Variants in PACRG observed in about 807,000 individuals in gnomAD.
The protein encoded by PACRG is parkin coregulated gene protein.
A neutral mutation model predicts 29.7 loss-of-function variants in PACRG; 29 were observed. The ratio of observed to expected loss-of-function variants is 0.98; its 90% CI spans 0.73 to 1.33. PACRG has a LOEUF of 1.33. Ranked by LOEUF, PACRG falls within the 40% of genes most tolerant of loss-of-function variation. The pLI is 0.00. For synonymous variants in PACRG, 116 were observed against 118.7 expected (o/e 0.98, Z 0.15); for missense variants, 279 against 316.2 (o/e 0.88, Z 0.89).
At chr6:162,916,079 A>C (rs1215537542) in intron 2 of PACRG, among the ~76,000 whole-genome samples, 3 of 152,140 alleles carry the variant, frequency 2.0e-5, no homozygotes, top group African/African-American at 7.2e-5. Flanking sequence ...GAGCAGGTAT[A>C]AGATAATGAA....
chr6:163,120,365 G>C (rs1344557257), intron 4 of PACRG, among the ~76,000 whole-genome samples: 1 of 152,138 alleles, frequency 6.6e-6, no homozygotes, highest in Non-Finnish European at 1.5e-5. Context: ...CATGGTCATG[G>C]TTATGTGTTC....
At chr6:163,108,805 A>T (rs1815547402) in intron 4 of PACRG, among the ~76,000 whole-genome samples, 1 of 149,716 alleles carries the variant, frequency 6.7e-6, no homozygotes, top group South Asian at 2.1e-4. Context: ...AATACAGGAA[A>T]TGTAGATCTC....
chr6:163,176,854 G>C (rs1017167606), intron 4 of PACRG, among the ~76,000 whole-genome samples: 1 of 152,176 alleles, frequency 6.6e-6, no homozygotes. Flanking sequence ...GCTGGAGAGA[G>C]GGAAAGTCAA....
intron 4 of PACRG, among the ~76,000 whole-genome samples, chr6:163,249,571 C>T (rs1322939986): frequency 1.4e-4 from 21 of 152,216 alleles, no homozygotes; most frequent in Non-Finnish European, 2.6e-4. Context: ...ACTCTCTCGC[C>T]TCCTGTGCCT....
At chr6:163,128,494 T>C (rs187326624) in intron 4 of PACRG, among the ~76,000 whole-genome samples, 83 of 152,362 alleles carry the variant, frequency 5.4e-4, no homozygotes, top group African/African-American at 1.8e-3. Context: ...GTCATTTCTC[T>C]TGTCTGTAGG....
chr6:163,230,082 A>G (rs1272640999), intron 4 of PACRG, among the ~76,000 whole-genome samples: 1 of 152,252 alleles, frequency 6.6e-6, no homozygotes, highest in Admixed American at 6.5e-5. Flanking sequence ...GGCCATCTTC[A>G]TAGTACATTG....
At chr6:162,947,614 A>ATATGAT (rs1799289778) in intron 2 of PACRG, among the ~76,000 whole-genome samples, 7 of 15,052 alleles carry the variant, frequency 4.7e-4, no homozygotes, top group Non-Finnish European at 6.8e-4. Context: ...ATATAATCAT[A>ATATGAT]TATATATATA....
chr6:163,197,811 G>A (rs550203039), intron 4 of PACRG, among the ~76,000 whole-genome samples: 27 of 152,180 alleles, frequency 1.8e-4, no homozygotes, highest in African/African-American at 6.3e-4. Flanking sequence ...GAATTGACAA[G>A]GGAGCAATTC....
At chr6:162,935,426 A>G (rs1798165276) in intron 2 of PACRG, among the ~76,000 whole-genome samples, 1 of 149,540 alleles carries the variant, frequency 6.7e-6, no homozygotes, top group Non-Finnish European at 1.5e-5. Context: ...GTAATTTTAA[A>G]GACCTGTCTT....
intron 4 of PACRG, among the ~76,000 whole-genome samples, chr6:163,270,381 T>A (rs528822609): frequency 1.0e-3 from 153 of 152,210 alleles, no homozygotes; most frequent in Non-Finnish European, 1.8e-3. Context: ...TTTTTTTTTT[T>A]AAATTTCAGT....
chr6:162,880,657 A>G (rs1793755848), intron 2 of PACRG, among the ~76,000 whole-genome samples: 1 of 152,252 alleles, frequency 6.6e-6, no homozygotes, highest in Admixed American at 6.5e-5. Context: ...AATGCTTTAG[A>G]AAAGATAAAA....
chr6:163,298,843 G>A (rs913563278), intron 4 of PACRG, among the ~76,000 whole-genome samples: 53 of 152,210 alleles, frequency 3.5e-4, no homozygotes, highest in African/African-American at 1.1e-3. Context: ...TGCACTGCAC[G>A]TTCTTCTCAA....
chr6:163,076,736 C>T (rs1167098095), intron 3 of PACRG, among the ~76,000 whole-genome samples: 1 of 152,214 alleles, frequency 6.6e-6, no homozygotes. Flanking sequence ...CCCATTCTCA[C>T]ATCCCCAGAT....
intron 2 of PACRG, among the ~76,000 whole-genome samples, chr6:162,887,154 A>G (rs763350854): frequency 6.6e-6 from 1 of 152,168 alleles, no homozygotes; most frequent in African/African-American, 2.4e-5. Flanking sequence ...GCTCACCATC[A>G]TAAGGCCAGG....
chr6:162,908,728 G>A (rs1487933155), intron 2 of PACRG, among the ~76,000 whole-genome samples: 1 of 152,174 alleles, frequency 6.6e-6, no homozygotes, highest in Admixed American at 6.5e-5. Context: ...AGTCATTATG[G>A]ACAGGGGCAT....
chr6:163,000,372 T>C (rs80268419), intron 2 of PACRG, among the ~76,000 whole-genome samples: 5 of 152,142 alleles, frequency 3.3e-5, no homozygotes, highest in African/African-American at 1.2e-4. Context: ...GAGAACACTG[T>C]TGGAGATCAC....
chr6:163,019,679 T>G (rs1221075484), intron 2 of PACRG, among the ~76,000 whole-genome samples: 2 of 152,152 alleles, frequency 1.3e-5, no homozygotes, highest in African/African-American at 2.4e-5. Flanking sequence ...GTCTTAGTGG[T>G]CAGAGGTCTG....
intron 4 of PACRG, among the ~76,000 whole-genome samples, chr6:163,261,824 A>C (rs1245223566): frequency 6.6e-6 from 1 of 152,238 alleles, no homozygotes; most frequent in Non-Finnish European, 1.5e-5. Flanking sequence ...AGATGATTTA[A>C]AGGATACCAA....
chr6:163,102,699 A>C (rs1382557664), intron 4 of PACRG, among the ~76,000 whole-genome samples: 1 of 151,174 alleles, frequency 6.6e-6, no homozygotes, highest in Non-Finnish European at 1.5e-5. Flanking sequence ...TCCTGAAGCT[A>C]CCTACCAACT....
Sources: gnomAD v4.1 joint callset for allele counts (sites outside exome capture counted in the v4.1 genomes callset) on GRCh38, gnomAD v4.1.1 for gene constraint, MANE v1.5 for transcripts, NCBI Gene and HGNC (gene_info 2026-07-23, HGNC 2026-07-21) for gene names.